Variants in FANCA observed in about 807,000 individuals in gnomAD.
FANCA encodes the protein FA complementation group A.
Under a neutral mutation model 194.3 loss-of-function variants are expected in FANCA, and 236 were observed. The ratio of observed to expected loss-of-function variants is 1.21; its 90% CI spans 1.09 to 1.35. FANCA has a LOEUF of 1.35. FANCA is among the 40% of genes most tolerant of loss of function. The pLI, the probability that FANCA is intolerant of heterozygous loss-of-function variation, is 0.00. For synonymous variants in FANCA, 1,014 were observed against 715.8 expected, an observed-to-expected ratio of 1.42 and a Z score of -6.65; for missense variants, 2,628 against 1,813.9, an observed-to-expected ratio of 1.45 and a Z score of -8.15.
chr16:89,739,792 C>A (rs749478411), intron 39 of FANCA: 40 of 1,466,658 alleles, frequency 2.7e-5, no homozygotes, highest in Non-Finnish European at 3.5e-5. Context: ...CATGATAGGC[C>A]CATTGGTCCT....
At chr16:89,790,404 A>G (rs1050618310) in intron 14 of FANCA, among the ~76,000 whole-genome samples, 1 of 136,686 alleles carries the variant, frequency 7.3e-6, no homozygotes, top group Non-Finnish European at 1.5e-5. Context: ...AAAAAAATAA[A>G]TAAGTAAATA....
intron 14 of FANCA, among the ~76,000 whole-genome samples, chr16:89,788,435 CA>C (rs1321052180): frequency 1.3e-5 from 2 of 151,016 alleles, no homozygotes; most frequent in East Asian, 4.0e-4. Context: ...GACTCCATCT[CA>C]AAAACAAAAC....
At position 89,738,844 on chromosome 16, in the gene FANCA, G is replaced by A. The variant is rs1452409381; in HGVS notation, c.4260+38C>T. 1.9e-6 allele frequency: 3 copies of A among 1,614,170 alleles called. No individual in the cohort carries two copies. In the Admixed American group the frequency reaches 5.0e-5, roughly 27 times the overall value. ...GGCCCAGGCAGCTGTCAATTCTCAT[G>A]TCCCCCACATGGCCCAAGGTGGGCA... is the stretch of plus-strand genomic sequence containing the variant. On this transcript the variant is annotated intron_variant, in intron 42 of 42. Coordinates refer to ENST00000389301, the MANE Select transcript of FANCA (RefSeq NM_000135.4).
Position 89,799,240 on chromosome 16 carries a change from C to A in FANCA, c.827-8G>T, listed in dbSNP as rs2040356321. ...CCAAAGCGTCAAGTGCAACTGAAGACAGAGCCAGGAACAGAAAACAGATGT... is the reference window on the plus strand; with the variant it reads ...CCAAAGCGTCAAGTGCAACTGAAGAAAGAGCCAGGAACAGAAAACAGATGT... On this transcript the variant is annotated splice_polypyrimidine_tract_variant and splice_region_variant and intron_variant, in intron 9 of 42. Transcript: ENST00000389301. 6.2e-7 allele frequency: 1 copy of A among 1,613,792 alleles called. No homozygotes were observed. The highest frequency in any genetic ancestry group is 8.5e-7 in the Non-Finnish European group (1 of 1,179,984).
At chr16:89,813,127 T>G (rs1003519244) in intron 3 of FANCA, among the ~76,000 whole-genome samples, 1 of 151,570 alleles carries the variant, frequency 6.6e-6, no homozygotes, top group Non-Finnish European at 1.5e-5. Context: ...GGTAGAAAAG[T>G]AGACAGATGG....
chr16:89,792,645 C>T (rs928318438), intron 11 of FANCA, 98 bp from the exon 12 acceptor site: 18 of 937,702 alleles, frequency 1.9e-5, no homozygotes, highest in Middle Eastern at 3.1e-4. Context: ...GGTCTCTCCC[C>T]GTGTGCGGCG....
chr16:89,787,678 G>C (rs1021430856), intron 14 of FANCA, among the ~76,000 whole-genome samples: 9 of 151,990 alleles, frequency 5.9e-5, no homozygotes, highest in African/African-American at 2.2e-4. Context: ...TGAGACTGCA[G>C]TGAGCCATGA....
At chr16:89,789,933 G>A (rs765898054) in intron 14 of FANCA, among the ~76,000 whole-genome samples, 2 of 152,016 alleles carry the variant, frequency 1.3e-5, no homozygotes, top group Non-Finnish European at 2.9e-5. Flanking sequence ...GTCTCAAATG[G>A]GCCCTGGATC....
chr16:89,792,381 C>T (rs1044726864), intron 12 of FANCA, 90 bp downstream of exon 12: 11 of 1,371,622 alleles, frequency 8.0e-6, no homozygotes, highest in East Asian at 4.6e-5. Context: ...CTCGATGTGC[C>T]GTCCACGGCA....
chr16:89,812,501 C>G (rs1450524330), intron 3 of FANCA, among the ~76,000 whole-genome samples: 5 of 150,742 alleles, frequency 3.3e-5, no homozygotes, highest in Non-Finnish European at 7.4e-5. Flanking sequence ...ACAAAATTAG[C>G]CAGGCGTGGT....
chr16:89,767,801 G>C (rs2039182860), intron 26 of FANCA, among the ~76,000 whole-genome samples: 1 of 152,148 alleles, frequency 6.6e-6, no homozygotes, highest in African/African-American at 2.4e-5. Context: ...GCCCACCTCA[G>C]CCTCCCAAAA....
chr16:89,781,395 T>C (rs78448931), intron 17 of FANCA, among the ~76,000 whole-genome samples: 8,488 of 131,590 alleles, frequency 0.065, 395 homozygotes, highest in East Asian at 0.24. Flanking sequence ...AACAATACGC[T>C]GGGCACAGTG....
chr16:89,767,331 G>A, intron 26 of FANCA, 94 bp from the exon 27 acceptor site: 1 of 909,960 alleles, frequency 1.1e-6, no homozygotes, highest in South Asian at 1.4e-5. Flanking sequence ...TGAATTTAGT[G>A]CATTCCGAAC....
intron 10 of FANCA, among the ~76,000 whole-genome samples, chr16:89,797,234 G>C (rs1359655276): frequency 1.3e-5 from 2 of 152,176 alleles, no homozygotes; most frequent in Admixed American, 6.5e-5. Context: ...GGGAGGCTGA[G>C]GCAGGAGAAT....
At chr16:89,745,769 G>C (rs71396958) in intron 35 of FANCA, among the ~76,000 whole-genome samples, 1 of 139,712 alleles carries the variant, frequency 7.2e-6, no homozygotes, top group African/African-American at 2.7e-5. Flanking sequence ...AGCTGGGAAC[G>C]AAACAGTGAA....
At chr16:89,800,339 A>T (rs1397674443) in intron 8 of FANCA, among the ~76,000 whole-genome samples, 2 of 152,246 alleles carry the variant, frequency 1.3e-5, no homozygotes, top group African/African-American at 2.4e-5. Flanking sequence ...CTGGGCTTAA[A>T]GCATACCACT....
chr16:89,742,244 T>G (rs144557636), intron 37 of FANCA, among the ~76,000 whole-genome samples: 1 of 151,880 alleles, frequency 6.6e-6, no homozygotes. Context: ...CCCTAAGTGT[T>G]GGGATTACAG....
intron 3 of FANCA, among the ~76,000 whole-genome samples, chr16:89,811,687 C>G (rs1381155217): frequency 6.6e-6 from 1 of 151,974 alleles, no homozygotes; most frequent in African/African-American, 2.4e-5. Context: ...CAGGCAATGC[C>G]AAGAAATCAT....
chr16:89,796,046 G>A (rs1325470710), intron 10 of FANCA, 28 bp from the exon 11 acceptor site: 6 of 1,560,190 alleles, frequency 3.8e-6, no homozygotes, highest in South Asian at 1.1e-5. Context: ...AGAGGGGTCA[G>A]GAAAGGGAGG....
Sources: gnomAD v4.1 joint callset for allele counts (sites outside exome capture counted in the v4.1 genomes callset) on GRCh38, gnomAD v4.1.1 for gene constraint, MANE v1.5 for transcripts, NCBI Gene and HGNC (gene_info 2026-07-23, HGNC 2026-07-21) for gene names.